Variants in TEX11 observed in about 807,000 individuals in gnomAD.
TEX11 encodes the protein testis expressed 11, also known as testis-expressed protein 11.
Under a neutral mutation model 84.4 loss-of-function variants are expected in TEX11, and 7 were observed. That is an observed-to-expected ratio of 0.08 (90% confidence interval 0.05 to 0.16). The LOEUF (loss-of-function observed/expected upper bound fraction) is 0.16, where lower values mean the gene tolerates loss of function less well. Ranked by LOEUF, TEX11 falls within the 10% of genes least tolerant of loss-of-function variation. TEX11 has a pLI of 1.00. For missense variants in TEX11, 551 were observed against 660.5 expected, an observed-to-expected ratio of 0.83 and a Z score of 1.82; for synonymous variants, 264 against 222.8, an observed-to-expected ratio of 1.18 and a Z score of -1.64.
chrX:70,684,295 A>G (rs532143796), intron 13 of TEX11, among the ~76,000 whole-genome samples: 1 of 112,836 alleles, frequency 8.9e-6, no homozygotes, highest in African/African-American at 3.2e-5. Context: ...CATCAAAAAT[A>G]TATAAAATAG....
intron 3 of TEX11, among the ~76,000 whole-genome samples, chrX:70,879,160 C>T (rs1380978986): frequency 1.1e-4 from 12 of 110,392 alleles, no homozygotes; most frequent in Admixed American, 3.9e-4. Context: ...TGTTTGTGAA[C>T]GGGTGTGCGG....
At chrX:70,560,677 G>A (rs2088356674) in intron 25 of TEX11, among the ~76,000 whole-genome samples, 1 of 109,870 alleles carries the variant, frequency 9.1e-6, no homozygotes, top group South Asian at 3.9e-4. Context: ...GTAAACTTTT[G>A]TCTCCACAAA....
chrX:70,674,208 A>G (rs776171276), intron 15 of TEX11, among the ~76,000 whole-genome samples: 1 of 112,353 alleles, frequency 8.9e-6, no homozygotes, highest in Non-Finnish European at 1.9e-5. Context: ...AGCTCCATCA[A>G]TGTTCCCGCA....
chrX:70,857,496 G>C, intron 5 of TEX11: 1 of 234,743 alleles, frequency 4.3e-6, no homozygotes, highest in Non-Finnish European at 8.2e-6. Flanking sequence ...CAGCAGGACA[G>C]TACATTAAGA....
the TEX11 span, among the ~76,000 whole-genome samples, chrX:70,521,797 G>A: frequency 1.8e-5 from 2 of 111,624 alleles, no homozygotes; most frequent in Non-Finnish European, 3.8e-5. Flanking sequence ...AGACTTCAAA[G>A]TTCAGAGAAA....
intron 15 of TEX11, among the ~76,000 whole-genome samples, chrX:70,675,950 C>T (rs1182632577): frequency 4.5e-5 from 5 of 111,786 alleles, no homozygotes; most frequent in Admixed American, 9.5e-5. Flanking sequence ...TCATTCTCCA[C>T]GGATTTGACT....
chrX:70,675,615 C>T (rs1040645784), intron 15 of TEX11, among the ~76,000 whole-genome samples: 3 of 107,555 alleles, frequency 2.8e-5, no homozygotes, highest in South Asian at 8.4e-4. Flanking sequence ...CTCTTCTCTT[C>T]CCCTCTTCCT....
At chrX:70,530,691 A>G (rs1383953124) in intron 28 of TEX11, among the ~76,000 whole-genome samples, 1 of 112,337 alleles carries the variant, frequency 8.9e-6, no homozygotes, top group East Asian at 2.8e-4. Context: ...GAGACACATT[A>G]GGCAGCAGCT....
intron 13 of TEX11, among the ~76,000 whole-genome samples, chrX:70,707,218 T>C (rs1458206159): frequency 9.0e-6 from 1 of 110,744 alleles, no homozygotes; most frequent in Non-Finnish European, 1.9e-5. Context: ...TAGTCCATGA[T>C]GGTCTAGGCT....
At chrX:70,642,077 T>C (rs1315046345) in intron 17 of TEX11, among the ~76,000 whole-genome samples, 8 of 109,889 alleles carry the variant, frequency 7.3e-5, no homozygotes, top group African/African-American at 2.6e-4. Flanking sequence ...TAAAAAATGA[T>C]AAAGGGGATA....
intron 25 of TEX11, among the ~76,000 whole-genome samples, chrX:70,590,096 A>T (rs1290537663): frequency 1.8e-5 from 2 of 112,093 alleles, no homozygotes. Context: ...TTCAAAAGGC[A>T]CACGAAAAGA....
chrX:70,849,100 G>C (rs893309610), intron 7 of TEX11, among the ~76,000 whole-genome samples: 2 of 112,058 alleles, frequency 1.8e-5, no homozygotes, highest in Non-Finnish European at 3.8e-5. Flanking sequence ...TAGGGATTGA[G>C]GAAAAATAAA....
At chrX:70,811,984 C>T (rs959497093) in intron 8 of TEX11, among the ~76,000 whole-genome samples, 1 of 111,663 alleles carries the variant, frequency 9.0e-6, no homozygotes, top group Non-Finnish European at 1.9e-5. Flanking sequence ...GCTGCCTGTT[C>T]ACTCTGATGG....
At chrX:70,655,283 T>C (rs2089853016) in intron 16 of TEX11, among the ~76,000 whole-genome samples, 1 of 111,102 alleles carries the variant, frequency 9.0e-6, no homozygotes, top group African/African-American at 3.3e-5. Context: ...CATGTGTGTA[T>C]ATAGGTGGTC....
chrX:70,816,511 G>C lies in TEX11; in HGVS notation c.607-9721C>G, dbSNP rs751277535. 1.0e-4 allele frequency among the ~76,000 whole-genome samples: 11 copies of C among 110,250 alleles called. No homozygotes were observed. The East Asian group carries it at 3.1e-3, about 32-fold the overall frequency. ...AGATCACTTGAGGTCAGGAGTTTGA[G>C]ACCAGCCTGGCCAACATGGTAAAAC... On this transcript the variant is annotated intron_variant, in intron 8 of 29. Coordinates refer to ENST00000374333, the MANE Select transcript of TEX11 (RefSeq NM_031276.3).
chrX:70,750,933 A>AAATATAT (rs1390175136), intron 9 of TEX11, among the ~76,000 whole-genome samples: 60 of 28,182 alleles, frequency 2.1e-3, no homozygotes, highest in East Asian at 5.3e-3. Context: ...AAAAAAAAAA[A>AAATATAT]ATATATATAT....
chrX:70,732,406 C>A (rs780588980), intron 11 of TEX11, among the ~76,000 whole-genome samples: 1 of 111,536 alleles, frequency 9.0e-6, no homozygotes, highest in East Asian at 2.8e-4. Flanking sequence ...AAAACCCCAT[C>A]GTCTCAGCCC....
At chrX:70,716,492 G>C (rs1170719875) in intron 13 of TEX11, among the ~76,000 whole-genome samples, 1 of 112,159 alleles carries the variant, frequency 8.9e-6, no homozygotes, top group Non-Finnish European at 1.9e-5. Flanking sequence ...GGCAATGGTG[G>C]GCGCCCCTCC....
intron 12 of TEX11, among the ~76,000 whole-genome samples, chrX:70,723,919 G>A (rs757019917): frequency 9.0e-6 from 1 of 111,468 alleles, no homozygotes; most frequent in East Asian, 2.8e-4. Context: ...GCAAAATCTA[G>A]TATTTTTAAA....
Sources: gnomAD v4.1 joint callset for allele counts (sites outside exome capture counted in the v4.1 genomes callset) on GRCh38, gnomAD v4.1.1 for gene constraint, MANE v1.5 for transcripts, NCBI Gene and HGNC (gene_info 2026-07-23, HGNC 2026-07-21) for gene names.